NGLY1: variants seen among roughly 807,000 people sequenced by gnomAD.
NGLY1 encodes peptide-N(4)-(N-acetyl-beta-glucosaminyl)asparagine amidase.
Under a neutral mutation model 84.6 loss-of-function variants are expected in NGLY1, and 68 were observed. That is an observed-to-expected ratio of 0.80 (90% CI 0.66 to 0.98). The LOEUF is 0.98. NGLY1 is among the 50% of genes least tolerant of loss of function. NGLY1 has a pLI of 0.00. For missense variants in NGLY1, 779 were observed against 770.2 expected (o/e 1.01, Z -0.14); for synonymous variants, 280 against 275.2 (o/e 1.02, Z -0.17).
Position 25,736,103 on chromosome 3 carries a change from C to T in NGLY1, c.1050G>A (p.Leu350=), listed in dbSNP as rs140277729. ...AGACATCTTCACATGCATCACAGTG[C>T]AGCCACCGCTGCTGAGAAGGAGAAT... ...EVYSPSQQRW[L]HCDACEDVCD... is the part of the protein sequence containing the mutation. Residue 350 remains leucine, a synonymous_variant, in exon 7 of 12, where the codon CTG becomes CTA. Coordinates refer to ENST00000280700, the MANE Select transcript of NGLY1 (RefSeq NM_018297.4). 5.6e-6 allele frequency: 9 copies of T among 1,613,776 alleles called. No homozygotes were observed. In the African/African-American group the frequency reaches 8.0e-5, roughly 14 times the overall value.
At chr3:25,765,112 A>G (rs776389590) in intron 2 of NGLY1, among the ~76,000 whole-genome samples, 3 of 152,238 alleles carry the variant, frequency 2.0e-5, no homozygotes, top group Non-Finnish European at 2.9e-5. Flanking sequence ...TCAAATTTCC[A>G]GGTATTGAAA....
intron 4 of NGLY1, among the ~76,000 whole-genome samples, chr3:25,741,816 C>A (rs1321288137): frequency 6.6e-6 from 1 of 151,756 alleles, no homozygotes; most frequent in Non-Finnish European, 1.5e-5. Flanking sequence ...CATGGTGAAA[C>A]CCCGTCTCTA....
chr3:25,736,789 A>G (rs1221489248), intron 6 of NGLY1: 1 of 166,520 alleles, frequency 6.0e-6, no homozygotes, highest in Non-Finnish European at 1.3e-5. Context: ...GAAGATTTCT[A>G]TGGTACATTA....
chr3:25,720,811 T>C (rs1048213884), intron 10 of NGLY1, among the ~76,000 whole-genome samples: 4 of 152,166 alleles, frequency 2.6e-5, no homozygotes, highest in Admixed American at 1.3e-4. Context: ...TACTTTTATC[T>C]ACACTCCTCA....
chr3:25,775,084 T>C (rs1278530138), intron 2 of NGLY1, among the ~76,000 whole-genome samples: 1 of 152,250 alleles, frequency 6.6e-6, no homozygotes, highest in Non-Finnish European at 1.5e-5. Flanking sequence ...CCCAGTGGAC[T>C]TTCCCCGTCA....
chr3:25,720,956 T>C (rs1339129050), intron 10 of NGLY1, among the ~76,000 whole-genome samples: 6 of 70,438 alleles, frequency 8.5e-5, no homozygotes, highest in Non-Finnish European at 2.7e-4. Context: ...AAATTCTATG[T>C]ATTTGTTTGA....
At chr3:25,789,976 A>G (rs1708688595) in exon 1 of NGLY1, 1 of 1,348,508 alleles carries the variant, frequency 7.4e-7, no homozygotes, top group Non-Finnish European at 1.0e-6. Context: ...ACCTCAGCCA[A>G]GGTGACGCGG....
rs765492483 is a variant in NGLY1, at chr3:25,783,378, CCGCCGCCGCCATGCTTGAGCGCCAGCGGG to C, written c.-17_12del. 1.5e-5 allele frequency: 23 copies of C among 1,541,616 alleles called. No homozygotes were observed. The highest frequency in any genetic ancestry group is 2.2e-4 in the Middle Eastern group (1 of 4,526). On this transcript the variant is annotated start_lost and 5_prime_UTR_variant, in exon 1 of 12. Coordinates refer to ENST00000280700, the MANE Select transcript of NGLY1 (RefSeq NM_018297.4). The surrounding 1 kb of genome is among the most constrained non-coding windows in gnomAD (Gnocchi z 4.5). Reference sequence around the variant, plus strand: ...GCCGAGCCTGAGGAGCTGCCCAATGCCGCCGCCGCCATGCTTGAGCGCCAGCGGGCGCCGCCGCCGCCCCTCGCTCTCCG... The same window carrying C: ...GCCGAGCCTGAGGAGCTGCCCAATGCCGCCGCCGCCGCCCCTCGCTCTCCG...
upstream of NGLY1, among the ~76,000 whole-genome samples, chr3:25,787,494 G>C (rs1708630579): frequency 1.3e-5 from 2 of 152,202 alleles, no homozygotes; most frequent in South Asian, 2.1e-4. Flanking sequence ...CTGGTAAAAA[G>C]TTTTCTATGG....
chr3:25,759,893 C>A (rs949816428), intron 3 of NGLY1, among the ~76,000 whole-genome samples: 1 of 145,950 alleles, frequency 6.9e-6, no homozygotes, highest in Non-Finnish European at 1.5e-5. Flanking sequence ...GTTAGATTAG[C>A]AAATTCACTT....
intron 4 of NGLY1, chr3:25,749,652 T>A: frequency 6.8e-7 from 1 of 1,477,064 alleles, no homozygotes; most frequent in South Asian, 1.1e-5. Context: ...CAGATCTTGA[T>A]GCCCAACATT....
In NGLY1 at chr3:25,729,302, A is replaced by T; in HGVS notation, c.1442T>A (p.Phe481Tyr). The change falls in exon 10 of 12, where the codon TTT (phenylalanine) becomes TAT (tyrosine). Residue 481 changes from phenylalanine (F) to tyrosine (Y), a missense_variant. Coordinates refer to ENST00000280700, the MANE Select transcript of NGLY1 (RefSeq NM_018297.4). ...EMGLQRKETL[F>Y]IPCENEKISK... ...AATCTTCTCATTTTCACAGGGAATA[A>T]ACAAGGTTTCTTTTCTCTTAAAAAG... is the stretch of plus-strand genomic sequence containing the variant. The T allele has an allele frequency of 7.1e-7, 1 of 1,412,416 alleles. No individual in the cohort carries two copies. The highest frequency in any genetic ancestry group is 2.6e-5 in the East Asian group (1 of 37,750). 87.5% of individuals were successfully genotyped at this position (1,412,416 alleles called of 1,614,324 possible).
At position 25,738,937 on chromosome 3, in the gene NGLY1, T is replaced by C. The variant is rs542770601; in HGVS notation, c.881+640A>G. On this transcript the variant is annotated intron_variant, in intron 5 of 11. Coordinates refer to ENST00000280700, the MANE Select transcript of NGLY1 (RefSeq NM_018297.4). Reference sequence around the variant, plus strand: ...TTATAAATTAAAGAATGGAAATTAATTTAAAATTTAAAATGTCCTTAGTTT... The same window carrying C: ...TTATAAATTAAAGAATGGAAATTAACTTAAAATTTAAAATGTCCTTAGTTT... Among the ~76,000 whole-genome samples, 10 of 152,268 alleles carry C rather than the reference T, an allele frequency of 6.6e-5. 2 individuals are homozygous for C. Among genetic ancestry groups the C allele is most frequent in the Admixed American group, 6.5e-4 (10 of 15,288 alleles).
At chr3:25,787,794 G>C (rs1366770701), upstream of NGLY1, among the ~76,000 whole-genome samples, 2 of 152,136 alleles carry the variant, frequency 1.3e-5, no homozygotes, top group Non-Finnish European at 2.9e-5. Flanking sequence ...ACTCTCATGC[G>C]TTTACTGTTG....
chr3:25,740,572 T>A (rs1706087768), intron 4 of NGLY1, among the ~76,000 whole-genome samples: 1 of 152,136 alleles, frequency 6.6e-6, no homozygotes, highest in African/African-American at 2.4e-5. Context: ...ATGAAGGACA[T>A]ATATAGCATA....
intron 10 of NGLY1, among the ~76,000 whole-genome samples, chr3:25,726,132 A>C (rs1705245368): frequency 6.6e-6 from 1 of 152,070 alleles, no homozygotes; most frequent in Non-Finnish European, 1.5e-5. Flanking sequence ...ACTCATCAAA[A>C]CCAAAAAGTA....
At chr3:25,728,912 C>T (rs1705397770) in intron 10 of NGLY1, among the ~76,000 whole-genome samples, 1 of 151,888 alleles carries the variant, frequency 6.6e-6, no homozygotes, top group African/African-American at 2.4e-5. Context: ...TTAAATTCAT[C>T]CTCTTTGATG....
intron 3 of NGLY1, among the ~76,000 whole-genome samples, chr3:25,756,803 G>A (rs187247310): frequency 6.6e-6 from 1 of 152,058 alleles, no homozygotes; most frequent in South Asian, 2.1e-4. Flanking sequence ...TCCTCTAAAA[G>A]GCCAACAAAG....
At chr3:25,755,256 G>A (rs1211567648) in intron 3 of NGLY1, 4 of 1,378,022 alleles carry the variant, frequency 2.9e-6, no homozygotes, top group South Asian at 1.2e-5. Flanking sequence ...CCATATGCAG[G>A]ACCTAGACTC....
Sources: allele counts gnomAD v4.1 joint callset (sites outside exome capture counted in the v4.1 genomes callset), GRCh38; gene constraint gnomAD v4.1.1; non-coding constraint Gnocchi (gnomAD v3.1); transcripts MANE v1.5; gene names NCBI Gene and HGNC (gene_info 2026-07-23, HGNC 2026-07-21).